The following COL25A1 variants were observed in gnomAD, a reference collection of about 807,000 sequenced individuals.
COL25A1 encodes the protein collagen alpha-1(XXV) chain.
A neutral mutation model predicts 128.4 loss-of-function variants in COL25A1; 103 were observed. The ratio of observed to expected loss-of-function variants is 0.80; its 90% CI spans 0.68 to 0.94. The LOEUF (loss-of-function observed/expected upper bound fraction) is 0.94, where lower values mean the gene tolerates loss of function less well. Among genes scored for constraint, COL25A1 ranks in the 40% least tolerant of loss-of-function variants. The pLI, the probability that COL25A1 is intolerant of heterozygous loss-of-function variation, is 0.00. For synonymous variants in COL25A1, 279 were observed against 277.2 expected (o/e 1.01, Z -0.06); for missense variants, 745 against 840.0 (o/e 0.89, Z 1.40).
intron 4 of COL25A1, among the ~76,000 whole-genome samples, chr4:109,049,376 A>T (rs1760775275): frequency 6.6e-6 from 1 of 152,132 alleles, no homozygotes; most frequent in African/African-American, 2.4e-5. Flanking sequence ...ATTTATACAG[A>T]TCATCTCAGT....
intron 26 of COL25A1, among the ~76,000 whole-genome samples, chr4:108,849,128 C>T (rs981428777): frequency 6.6e-6 from 1 of 152,144 alleles, no homozygotes; most frequent in Non-Finnish European, 1.5e-5. Flanking sequence ...TAGCAACAAC[C>T]TATCTGCCTC....
At chr4:109,044,886 G>A (rs557644239) in intron 5 of COL25A1, among the ~76,000 whole-genome samples, 2 of 152,242 alleles carry the variant, frequency 1.3e-5, no homozygotes, top group Admixed American at 6.5e-5. Context: ...TCAGATTTTA[G>A]TTCAGGAAAA....
In COL25A1 at chr4:108,911,802, G is replaced by GTTTTT. The variant is rs61235488; in HGVS notation, c.780+6365_780+6369dup. Among the ~76,000 whole-genome samples the GTTTTT allele has an allele frequency of 5.6e-5, 7 of 124,386 alleles. 1 individual carries two copies. The highest frequency in any genetic ancestry group is 5.1e-5 in the Non-Finnish European group (3 of 59,302). The allele number at this position is 124,386 out of a possible 152,430, so 81.6% of individuals were successfully genotyped here. On this transcript the variant is annotated intron_variant, in intron 13 of 37. Transcript: ENST00000399132. Reference sequence around the variant, plus strand: ...TTCATTAATAAACATTTGCTTCGCTGTTTTTTTTTTTTTTTTTTGCAACAG... The same window carrying GTTTTT: ...TTCATTAATAAACATTTGCTTCGCTGTTTTTTTTTTTTTTTTTTTTTTTGCAACAG...
At position 108,869,190 on chromosome 4, in the gene COL25A1, C is replaced by T. The variant is rs369200118; in HGVS notation, c.1021-40G>A. On this transcript the variant is annotated intron_variant, in intron 19 of 37. Coordinates refer to ENST00000399132, the MANE Select transcript of COL25A1 (RefSeq NM_198721.4). ...GCATATGAGATCATTAATCATTTGA[C>T]AATAAATAAATAAATAAATAAATAA... is the stretch of plus-strand genomic sequence containing the variant. The T allele has an allele frequency of 1.3e-5, 10 of 754,588 alleles. No homozygotes were observed. The East Asian group carries it at 3.0e-4, about 22-fold the overall frequency. 46.7% of individuals were successfully genotyped at this position (754,588 alleles called of 1,614,324 possible).
intron 3 of COL25A1, among the ~76,000 whole-genome samples, chr4:109,269,997 AG>A (rs1304187157): frequency 2.6e-5 from 4 of 152,190 alleles, no homozygotes; most frequent in Admixed American, 6.5e-5. Context: ...GATGCAGAAA[AG>A]GCCTTTGACA....
intron 3 of COL25A1, among the ~76,000 whole-genome samples, chr4:109,182,072 G>A (rs1300895063): frequency 6.6e-6 from 1 of 152,008 alleles, no homozygotes; most frequent in Non-Finnish European, 1.5e-5. Context: ...GTGTATATAG[G>A]CCACATTTTC....
chr4:108,889,074 A>C, intron 18 of COL25A1, 147 bp downstream of exon 18: 1 of 756,112 alleles, frequency 1.3e-6, no homozygotes, highest in South Asian at 1.9e-5. Context: ...AAGACCTTTT[A>C]AAATGCAAAA....
intron 3 of COL25A1, among the ~76,000 whole-genome samples, chr4:109,265,861 C>T (rs1271899636): frequency 6.6e-6 from 1 of 152,142 alleles, no homozygotes; most frequent in Non-Finnish European, 1.5e-5. Context: ...TACTGGTGTA[C>T]ATTTTTTAAG....
At chr4:108,966,221 G>A (rs1751275794) in intron 8 of COL25A1, among the ~76,000 whole-genome samples, 1 of 150,890 alleles carries the variant, frequency 6.6e-6, no homozygotes, top group Non-Finnish European at 1.5e-5. Context: ...ATTCACTTAT[G>A]TTTTGGGGGG....
At chr4:108,884,331 A>T (rs1222803799) in intron 18 of COL25A1, 109 bp from the exon 19 acceptor site, 4 of 1,000,164 alleles carry the variant, frequency 4.0e-6, no homozygotes, top group Non-Finnish European at 5.9e-6. Context: ...AAAGATAAAT[A>T]AAAAAACCGT....
At chr4:108,837,527 T>C (rs982607697) in intron 31 of COL25A1, among the ~76,000 whole-genome samples, 5 of 152,150 alleles carry the variant, frequency 3.3e-5, no homozygotes, top group African/African-American at 7.2e-5. Context: ...AACTGCAAAA[T>C]ACTTCTTTTA....
chr4:108,947,084 G>A (rs951423075), intron 8 of COL25A1, among the ~76,000 whole-genome samples: 1 of 152,270 alleles, frequency 6.6e-6, no homozygotes, highest in South Asian at 2.1e-4. Flanking sequence ...TTCAGCTATA[G>A]ATTCACTGAA....
At chr4:109,069,845 T>A (rs963410148) in intron 3 of COL25A1, among the ~76,000 whole-genome samples, 3 of 152,150 alleles carry the variant, frequency 2.0e-5, no homozygotes, top group East Asian at 1.9e-4. Context: ...ACTTTCTTTA[T>A]TCATATATGA....
chr4:109,120,137 A>C (rs1248958515), intron 3 of COL25A1, among the ~76,000 whole-genome samples: 1 of 152,094 alleles, frequency 6.6e-6, no homozygotes, highest in Non-Finnish European at 1.5e-5. Context: ...CCTCTACCGG[A>C]TAAAGAACAT....
chr4:108,858,980 T>TA (rs1466321941), intron 24 of COL25A1, among the ~76,000 whole-genome samples: 2 of 152,064 alleles, frequency 1.3e-5, no homozygotes, highest in Non-Finnish European at 2.9e-5. Context: ...AGAATGATGA[T>TA]AGAGGCTAGA....
At chr4:108,834,244 C>A in intron 31 of COL25A1, 1 of 1,149,252 alleles carries the variant, frequency 8.7e-7, no homozygotes, top group East Asian at 2.6e-5. Flanking sequence ...TACTCCAGCT[C>A]TAAGTACACC....
At chr4:109,032,058 A>G (rs794143) in intron 5 of COL25A1, among the ~76,000 whole-genome samples, 75,268 of 151,978 alleles carry the variant, frequency 0.5, 20,448 homozygotes, top group African/African-American at 0.71. Context: ...TGTTGTTACA[A>G]TATGCCAGGT....
chr4:108,985,863 T>G (rs62314656), intron 6 of COL25A1, among the ~76,000 whole-genome samples: 16,949 of 152,210 alleles, frequency 0.11, 1,284 homozygotes, highest in Non-Finnish European at 0.17. Context: ...CATTCTCAAG[T>G]GGTCACCAGA....
At chr4:109,266,818 G>C (rs1158968656) in intron 3 of COL25A1, among the ~76,000 whole-genome samples, 1 of 152,124 alleles carries the variant, frequency 6.6e-6, no homozygotes, top group Admixed American at 6.6e-5. Context: ...CTGAACCCAT[G>C]ACTTTTGTGC....
Sources: allele counts gnomAD v4.1 joint callset (sites outside exome capture counted in the v4.1 genomes callset), GRCh38; gene constraint gnomAD v4.1.1; transcripts MANE v1.5; gene names NCBI Gene and HGNC (gene_info 2026-07-23, HGNC 2026-07-21).